Variants in JAZF1 observed in about 807,000 individuals in gnomAD.
JAZF1 encodes JAZF zinc finger 1.
A neutral mutation model predicts 26.4 loss-of-function variants in JAZF1; 8 were observed. The ratio of observed to expected loss-of-function variants is 0.30; its 90% confidence interval spans 0.18 to 0.55. JAZF1 has a LOEUF of 0.55. Ranked by LOEUF, JAZF1 falls within the 20% of genes least tolerant of loss-of-function variation. The pLI is 0.94. For missense variants in JAZF1, 199 were observed against 322.0 expected, an observed-to-expected ratio of 0.62 and a Z score of 2.92; for synonymous variants, 126 against 122.3, an observed-to-expected ratio of 1.03 and a Z score of -0.20.
At chr7:27,920,003 C>A (rs1225671313) in intron 2 of JAZF1, among the ~76,000 whole-genome samples, 1 of 152,170 alleles carries the variant, frequency 6.6e-6, no homozygotes, top group Non-Finnish European at 1.5e-5. Context: ...AAGGGACTCT[C>A]TTACAGGAGT....
At chr7:28,132,724 A>G (rs777773966) in intron 1 of JAZF1, among the ~76,000 whole-genome samples, 3 of 152,204 alleles carry the variant, frequency 2.0e-5, no homozygotes, top group Admixed American at 6.5e-5. Flanking sequence ...GGTCAACCAT[A>G]ATCACATCTT....
intron 1 of JAZF1, among the ~76,000 whole-genome samples, chr7:28,023,968 C>G (rs1056836526): frequency 2.0e-5 from 3 of 151,924 alleles, no homozygotes; most frequent in Non-Finnish European, 4.4e-5. Context: ...GGAAGAAGAG[C>G]AGAAAGTCAG....
chr7:27,953,346 T>G (rs1441068554), intron 2 of JAZF1, among the ~76,000 whole-genome samples: 1 of 152,248 alleles, frequency 6.6e-6, no homozygotes, highest in Non-Finnish European at 1.5e-5. Flanking sequence ...GGCATTCATT[T>G]GCAAGGTCAT....
At chr7:27,890,814 A>AAGT (rs1783961187) in intron 3 of JAZF1, among the ~76,000 whole-genome samples, 1 of 136,526 alleles carries the variant, frequency 7.3e-6, no homozygotes, top group Admixed American at 7.6e-5. Context: ...TTTTGAGATG[A>AAGT]AGTCTTGCTC....
chr7:27,992,567 T>A (rs1470647641), intron 1 of JAZF1, among the ~76,000 whole-genome samples: 2 of 152,182 alleles, frequency 1.3e-5, no homozygotes, highest in Non-Finnish European at 2.9e-5. Flanking sequence ...ACCAGAGGAC[T>A]TTTCCCCTCA....
intron 2 of JAZF1, among the ~76,000 whole-genome samples, chr7:27,910,996 C>T (rs1784351786): frequency 6.6e-6 from 1 of 152,188 alleles, no homozygotes; most frequent in African/African-American, 2.4e-5. Flanking sequence ...AATACCCTAA[C>T]TAAAATAATT....
chr7:28,065,156 A>G (rs932386110), intron 1 of JAZF1, among the ~76,000 whole-genome samples: 2 of 152,138 alleles, frequency 1.3e-5, no homozygotes, highest in African/African-American at 4.8e-5. Flanking sequence ...TTTCTCCCTA[A>G]GCGCTGATAA....
At chr7:28,134,137 T>C (rs1782842257) in intron 1 of JAZF1, among the ~76,000 whole-genome samples, 1 of 152,218 alleles carries the variant, frequency 6.6e-6, no homozygotes, top group African/African-American at 2.4e-5. Flanking sequence ...ACTCCATGCA[T>C]GTTGGCTATA....
At chr7:27,996,883 C>G (rs972121993) in intron 1 of JAZF1, among the ~76,000 whole-genome samples, 5 of 152,198 alleles carry the variant, frequency 3.3e-5, no homozygotes, top group African/African-American at 1.2e-4. Context: ...ATACACTGAT[C>G]TATTATTTTT....
chr7:27,853,361 A>G (rs751876164), intron 3 of JAZF1, among the ~76,000 whole-genome samples: 1 of 151,872 alleles, frequency 6.6e-6, no homozygotes, highest in Non-Finnish European at 1.5e-5. Context: ...ATCTGTGTGG[A>G]TTTTCTCAGG....
intron 2 of JAZF1, among the ~76,000 whole-genome samples, chr7:27,953,090 T>C (rs1198636921): frequency 6.6e-6 from 1 of 152,204 alleles, no homozygotes; most frequent in Non-Finnish European, 1.5e-5. Context: ...TGGGAACAAA[T>C]ATTTGATGAT....
intron 1 of JAZF1, among the ~76,000 whole-genome samples, chr7:28,044,388 T>C (rs1783457348): frequency 6.6e-6 from 1 of 152,194 alleles, no homozygotes; most frequent in Non-Finnish European, 1.5e-5. Context: ...TACAATTTTC[T>C]CTGCTCTAGC....
chr7:27,981,816 C>G (rs1785591239), intron 2 of JAZF1, among the ~76,000 whole-genome samples: 1 of 152,184 alleles, frequency 6.6e-6, no homozygotes, highest in African/African-American at 2.4e-5. Context: ...TGATCATGCC[C>G]TGACTCTAGA....
chr7:27,961,684 T>C (rs1785186836), intron 2 of JAZF1, among the ~76,000 whole-genome samples: 1 of 152,208 alleles, frequency 6.6e-6, no homozygotes, highest in South Asian at 2.1e-4. Context: ...GGATAAAGAA[T>C]AGAATGCCGA....
chr7:28,022,842 C>T (rs1220294409), intron 1 of JAZF1, among the ~76,000 whole-genome samples: 4 of 152,158 alleles, frequency 2.6e-5, no homozygotes, highest in East Asian at 1.9e-4. Context: ...CTGCAACCTC[C>T]GCTGCCCAGG....
intron 2 of JAZF1, among the ~76,000 whole-genome samples, chr7:27,947,764 T>C (rs1583475430): frequency 1.3e-5 from 2 of 152,132 alleles, no homozygotes; most frequent in Non-Finnish European, 2.9e-5. Flanking sequence ...ATCAAAGCCT[T>C]GGAGTGCTTG....
chr7:28,165,082 T>C (rs1231202384), intron 1 of JAZF1, among the ~76,000 whole-genome samples: 1 of 152,104 alleles, frequency 6.6e-6, no homozygotes, highest in Non-Finnish European at 1.5e-5. Context: ...GGTGGGAGGA[T>C]TGCTTGAGCC....
chr7:28,054,547 T>C (rs556836479), intron 1 of JAZF1, among the ~76,000 whole-genome samples: 6 of 152,232 alleles, frequency 3.9e-5, no homozygotes, highest in Non-Finnish European at 7.4e-5. Context: ...CCTTGTACAC[T>C]TGCTGACAGG....
At chr7:28,110,818 G>A (rs1015188555) in intron 1 of JAZF1, among the ~76,000 whole-genome samples, 2 of 152,158 alleles carry the variant, frequency 1.3e-5, no homozygotes, top group African/African-American at 4.8e-5. Context: ...CCACAGGGTA[G>A]CATGATATCT....
Sources: gnomAD v4.1 joint callset for allele counts (sites outside exome capture counted in the v4.1 genomes callset) on GRCh38, gnomAD v4.1.1 for gene constraint, MANE v1.5 for transcripts, NCBI Gene and HGNC (gene_info 2026-07-23, HGNC 2026-07-21) for gene names.